P2RY14: variants seen among roughly 807,000 people sequenced by gnomAD.
P2RY14 encodes purinergic receptor P2Y14, also known as P2Y purinoceptor 14.
Under a neutral mutation model 0.9 loss-of-function variants are expected in P2RY14, and 2 were observed. The ratio of observed to expected loss-of-function variants is 2.16; its 90% CI spans 0.88 to 6.79. P2RY14 has a LOEUF of 6.79. Ranked by LOEUF, P2RY14 falls within the 30% of genes most tolerant of loss-of-function variation. The pLI, the probability that P2RY14 is intolerant of heterozygous loss-of-function variation, is 0.05. For missense variants in P2RY14, 378 were observed against 400.1 expected, an observed-to-expected ratio of 0.94 and a Z score of 0.47; for synonymous variants, 158 against 147.2, an observed-to-expected ratio of 1.07 and a Z score of -0.53.
chr3:151,229,256 T>C (rs370054129), intron 1 of P2RY14, among the ~76,000 whole-genome samples: 1 of 152,148 alleles, frequency 6.6e-6, no homozygotes, highest in African/African-American at 2.4e-5. Context: ...AGAGGGTTCT[T>C]TGATTTTAAT....
chr3:151,232,307 C>A (rs748187713), intron 1 of P2RY14, among the ~76,000 whole-genome samples: 1 of 152,212 alleles, frequency 6.6e-6, no homozygotes, highest in Non-Finnish European at 1.5e-5. Flanking sequence ...ACCCTCCCAC[C>A]AATGTGTGGA....
chr3:151,239,609 C>A (rs1296798758), intron 1 of P2RY14, among the ~76,000 whole-genome samples: 4 of 152,140 alleles, frequency 2.6e-5, no homozygotes, highest in Non-Finnish European at 4.4e-5. Flanking sequence ...ATAACTGTCA[C>A]AATTTTAATT....
intron 2 of P2RY14, among the ~76,000 whole-genome samples, chr3:151,219,254 G>T (rs1728851840): frequency 6.6e-6 from 1 of 152,158 alleles, no homozygotes; most frequent in Admixed American, 6.5e-5. Flanking sequence ...TAACCTCAGG[G>T]TTCTCTCTTT....
At chr3:151,231,584 CTT>C (rs1401961698) in intron 1 of P2RY14, among the ~76,000 whole-genome samples, 1 of 152,030 alleles carries the variant, frequency 6.6e-6, no homozygotes. Flanking sequence ...GCCTTGGACT[CTT>C]TAAAAAAATC....
intron 1 of P2RY14, among the ~76,000 whole-genome samples, chr3:151,267,594 A>C (rs1559960632): frequency 6.6e-6 from 1 of 152,182 alleles, no homozygotes; most frequent in Non-Finnish European, 1.5e-5. Flanking sequence ...ACATTTTTTT[A>C]AAGCCACCTA....
At chr3:151,243,173 C>G (rs1734584244) in intron 1 of P2RY14, among the ~76,000 whole-genome samples, 1 of 151,922 alleles carries the variant, frequency 6.6e-6, no homozygotes, top group Admixed American at 6.6e-5. Context: ...GAGAATGGAA[C>G]CAAGTTGGAA....
At chr3:151,245,129 A>G (rs1458794281) in intron 1 of P2RY14, among the ~76,000 whole-genome samples, 1 of 152,254 alleles carries the variant, frequency 6.6e-6, no homozygotes, top group Non-Finnish European at 1.5e-5. Context: ...AATAACCAAT[A>G]GCTTAGCAAC....
intron 1 of P2RY14, among the ~76,000 whole-genome samples, chr3:151,247,640 T>G (rs1337083288): frequency 7.1e-6 from 1 of 140,616 alleles, no homozygotes; most frequent in African/African-American, 2.6e-5. Context: ...AGGGATAGCA[T>G]TGGGAGATGT....
At chr3:151,254,751 T>C (rs1577137675) in intron 1 of P2RY14, among the ~76,000 whole-genome samples, 1 of 152,230 alleles carries the variant, frequency 6.6e-6, no homozygotes, top group South Asian at 2.1e-4. Context: ...TTGACAAATG[T>C]GCTTGTTATT....
intron 1 of P2RY14, among the ~76,000 whole-genome samples, chr3:151,227,450 G>A (rs935525544): frequency 6.6e-6 from 1 of 152,194 alleles, no homozygotes; most frequent in Non-Finnish European, 1.5e-5. Context: ...TTTATAAACT[G>A]ATAACGTCCA....
intron 1 of P2RY14, among the ~76,000 whole-genome samples, chr3:151,250,438 T>G (rs565384915): frequency 1.3e-5 from 2 of 152,188 alleles, no homozygotes; most frequent in Admixed American, 6.5e-5. Context: ...AATTCTCCAT[T>G]TATCCTTGCC....
At chr3:151,250,122 C>G (rs1234587872) in intron 1 of P2RY14, among the ~76,000 whole-genome samples, 1 of 152,184 alleles carries the variant, frequency 6.6e-6, no homozygotes, top group Non-Finnish European at 1.5e-5. Flanking sequence ...CGTTTGCTGT[C>G]TCCACTTTCC....
chr3:151,267,101 A>G (rs1053624470), intron 1 of P2RY14, among the ~76,000 whole-genome samples: 2 of 152,236 alleles, frequency 1.3e-5, no homozygotes, highest in African/African-American at 2.4e-5. Context: ...CTTGCGTGTT[A>G]GAACTCCTTA....
At chr3:151,258,634 C>A (rs762595566) in intron 1 of P2RY14, among the ~76,000 whole-genome samples, 1 of 151,990 alleles carries the variant, frequency 6.6e-6, no homozygotes, top group Non-Finnish European at 1.5e-5. Context: ...AATAAACATC[C>A]TTGGGCTTTT....
chr3:151,245,360 A>G (rs1735183559), intron 1 of P2RY14, among the ~76,000 whole-genome samples: 1 of 136,604 alleles, frequency 7.3e-6, no homozygotes, highest in Non-Finnish European at 1.6e-5. Flanking sequence ...CATTGATGCA[A>G]AAATCCTCAA....
rs1408022934 is a variant in P2RY14, at chr3:151,237,361, T to TG, written c.-132-17720_-132-17719insC. On this transcript the variant is annotated intron_variant, in intron 1 of 2. Transcript: ENST00000309170. ...CTTTTTTTTTTTTTCTTTTTTTTTT[T>TG]TTTTTGAGACAGAGTCTTACTCTTG... Among the ~76,000 whole-genome samples the TG allele has an allele frequency of 5.1e-5, 7 of 136,320 alleles. No homozygotes were observed. The East Asian group carries it at 1.2e-3, about 24-fold the overall frequency. The allele number at this position is 136,320 out of a possible 152,430, so 89.4% of individuals were successfully genotyped here. A position where few individuals can be genotyped will look rare whatever the true frequency, so the allele number is the denominator to read the frequency against.
At chr3:151,242,995 C>A (rs1028351919) in intron 1 of P2RY14, among the ~76,000 whole-genome samples, 95 of 151,582 alleles carry the variant, frequency 6.3e-4, no homozygotes, top group Non-Finnish European at 1.2e-3. Context: ...CCCATGCGAT[C>A]AACTGGAAGA....
intron 1 of P2RY14, among the ~76,000 whole-genome samples, chr3:151,228,105 A>G (rs183442781): frequency 9.2e-5 from 14 of 152,302 alleles, no homozygotes; most frequent in African/African-American, 3.1e-4. Flanking sequence ...AGTAATCTGT[A>G]TGCTAAGGTC....
At chr3:151,241,109 G>C (rs143656789) in intron 1 of P2RY14, among the ~76,000 whole-genome samples, 32 of 152,182 alleles carry the variant, frequency 2.1e-4, no homozygotes, top group African/African-American at 7.5e-4. Flanking sequence ...TTAGTTAGAA[G>C]TCTTAGATCT....
Sources: allele counts gnomAD v4.1 joint callset (sites outside exome capture counted in the v4.1 genomes callset), GRCh38; gene constraint gnomAD v4.1.1; transcripts MANE v1.5; gene names NCBI Gene and HGNC (gene_info 2026-07-23, HGNC 2026-07-21).